PTPRM: variants seen among roughly 807,000 people sequenced by gnomAD.
PTPRM encodes protein tyrosine phosphatase receptor type M.
In PTPRM, 47 loss-of-function variants were observed where a neutral mutation model predicts 186.7. The observed-to-expected ratio is 0.25, with a 90% CI of 0.20 to 0.32. The LOEUF (loss-of-function observed/expected upper bound fraction) is 0.32, where lower values mean the gene tolerates loss of function less well. Ranked by LOEUF, PTPRM falls within the 10% of genes least tolerant of loss-of-function variation. The probability of loss-of-function intolerance (pLI) is 1.00; values close to 1 mark genes in which losing one functional copy is unlikely to be tolerated. For missense variants in PTPRM, 1,494 were observed against 1,865.0 expected (o/e 0.80, Z 3.66); for synonymous variants, 668 against 674.9 (o/e 0.99, Z 0.16).
intron 2 of PTPRM, among the ~76,000 whole-genome samples, chr18:7,839,909 C>G (rs1202184703): frequency 6.6e-6 from 1 of 151,998 alleles, no homozygotes; most frequent in Non-Finnish European, 1.5e-5. Flanking sequence ...TTTAAATGCT[C>G]CCTTCATGGG....
At chr18:8,219,490 G>A (rs764902393) in intron 14 of PTPRM, among the ~76,000 whole-genome samples, 9 of 151,884 alleles carry the variant, frequency 5.9e-5, no homozygotes, top group Non-Finnish European at 1.2e-4. Context: ...CTTATTCTGA[G>A]TCAATATGAG....
chr18:8,064,262 G>A (rs2088872658), intron 7 of PTPRM, among the ~76,000 whole-genome samples: 1 of 152,108 alleles, frequency 6.6e-6, no homozygotes, highest in Non-Finnish European at 1.5e-5. Context: ...ACCAGCATTT[G>A]GAATACAAGA....
At chr18:7,810,878 C>A (rs1374707935) in intron 2 of PTPRM, among the ~76,000 whole-genome samples, 11 of 152,110 alleles carry the variant, frequency 7.2e-5, no homozygotes. Context: ...TTAATTCTTT[C>A]TGCTAGGTCA....
At chr18:8,080,703 G>T (rs2090080915) in intron 9 of PTPRM, among the ~76,000 whole-genome samples, 1 of 152,108 alleles carries the variant, frequency 6.6e-6, no homozygotes, top group Admixed American at 6.5e-5. Context: ...GAATTTAGGG[G>T]CCATGTTAAG....
At chr18:7,691,135 C>T (rs1224599865) in intron 1 of PTPRM, among the ~76,000 whole-genome samples, 1 of 151,644 alleles carries the variant, frequency 6.6e-6, no homozygotes, top group East Asian at 1.9e-4. Context: ...ATTTTTAAGA[C>T]CTTGCATTAT....
intron 1 of PTPRM, among the ~76,000 whole-genome samples, chr18:7,743,855 T>C (rs2040931874): frequency 6.6e-6 from 1 of 152,232 alleles, no homozygotes; most frequent in Non-Finnish European, 1.5e-5. Flanking sequence ...AAAGTAGGAC[T>C]GCATTATTTA....
intron 1 of PTPRM, among the ~76,000 whole-genome samples, chr18:7,759,279 T>G (rs2041656991): frequency 6.6e-6 from 1 of 152,166 alleles, no homozygotes; most frequent in South Asian, 2.1e-4. Context: ...GGGCCAACAA[T>G]AAGGGTATTT....
intron 8 of PTPRM, among the ~76,000 whole-genome samples, chr18:8,073,167 A>T (rs1011188760): frequency 6.6e-6 from 1 of 152,210 alleles, no homozygotes; most frequent in Non-Finnish European, 1.5e-5. Flanking sequence ...CCTTCTTTAC[A>T]TCTGCACATG....
intron 3 of PTPRM, among the ~76,000 whole-genome samples, chr18:7,895,528 G>GGTCC (rs2049309005): frequency 6.6e-6 from 1 of 152,124 alleles, no homozygotes; most frequent in Admixed American, 6.5e-5. Flanking sequence ...GTTCTGTGAG[G>GGTCC]GTCCGTGCAG....
intron 7 of PTPRM, among the ~76,000 whole-genome samples, chr18:7,973,966 T>TAA (rs571394683): frequency 3.1e-4 from 44 of 140,276 alleles, no homozygotes; most frequent in Admixed American, 9.9e-4. Flanking sequence ...GAGATTCTGG[T>TAA]AAAAAAAAAA....
chr18:7,593,592 C>T (rs8092367), intron 1 of PTPRM, among the ~76,000 whole-genome samples: 3,719 of 152,294 alleles, frequency 0.024, 110 homozygotes, highest in African/African-American at 0.071. Context: ...CAAATCTCTC[C>T]ATTAATGTCA....
At chr18:7,671,827 G>A (rs138671407) in intron 1 of PTPRM, among the ~76,000 whole-genome samples, 88 of 152,220 alleles carry the variant, frequency 5.8e-4, no homozygotes, top group Middle Eastern at 3.4e-3. Flanking sequence ...ATCATATATG[G>A]TAACCTCTTT....
At chr18:8,208,181 G>A (rs1365548583) in intron 14 of PTPRM, among the ~76,000 whole-genome samples, 1 of 152,160 alleles carries the variant, frequency 6.6e-6, no homozygotes, top group Non-Finnish European at 1.5e-5. Context: ...GTGCAGCCAC[G>A]CCACTTGTAC....
chr18:8,031,731 G>A (rs909429198), intron 7 of PTPRM, among the ~76,000 whole-genome samples: 1 of 152,146 alleles, frequency 6.6e-6, no homozygotes, highest in African/African-American at 2.4e-5. Flanking sequence ...GAGATATGAC[G>A]GTTGCTGTAA....
intron 19 of PTPRM, among the ~76,000 whole-genome samples, chr18:8,279,958 C>T (rs1330787251): frequency 1.3e-5 from 2 of 152,184 alleles, no homozygotes; most frequent in Admixed American, 6.5e-5. Context: ...AGAAAATCTC[C>T]CCATTTTAAA....
chr18:7,739,070 G>A lies in PTPRM; in HGVS notation c.74-35079G>A, dbSNP rs115063738. Among the ~76,000 whole-genome samples the A allele has an allele frequency of 7.5e-3, 1,137 of 152,116 alleles. 18 individuals are homozygous for A. The highest frequency in any genetic ancestry group is 0.026 in the African/African-American group (1,097 of 41,478). On this transcript the variant is annotated intron_variant, in intron 1 of 32. Coordinates refer to ENST00000580170, the MANE Select transcript of PTPRM (RefSeq NM_001105244.2). The stretch of plus-strand genomic sequence containing the variant: ...CATATAAAAATCCACTTTTCTCGTC[G>A]CACATCACAATCTGATCGAGAAGTG...
intron 7 of PTPRM, among the ~76,000 whole-genome samples, chr18:8,015,316 A>G (rs2084791153): frequency 6.6e-6 from 1 of 152,250 alleles, no homozygotes; most frequent in Non-Finnish European, 1.5e-5. Context: ...TTAAATAAAT[A>G]TAATATTTCT....
At chr18:8,121,027 C>T (rs1056842937) in intron 13 of PTPRM, among the ~76,000 whole-genome samples, 8 of 152,176 alleles carry the variant, frequency 5.3e-5, no homozygotes, top group Admixed American at 4.6e-4. Context: ...TTGCATAATA[C>T]GTCATATTAA....
chr18:7,662,512 A>G (rs2039003456), intron 1 of PTPRM, among the ~76,000 whole-genome samples: 1 of 152,184 alleles, frequency 6.6e-6, no homozygotes, highest in Non-Finnish European at 1.5e-5. Context: ...CTAAAAATTA[A>G]AACAGTTGAA....
Sources: gnomAD v4.1 joint callset for allele counts (sites outside exome capture counted in the v4.1 genomes callset) on GRCh38, gnomAD v4.1.1 for gene constraint, MANE v1.5 for transcripts, NCBI Gene and HGNC (gene_info 2026-07-23, HGNC 2026-07-21) for gene names.